Variants in PKNOX2 observed in about 807,000 individuals in gnomAD.
The protein encoded by PKNOX2 is PBX/knotted 1 homeobox 2, also known as homeobox protein PKNOX2.
A neutral mutation model predicts 53.1 loss-of-function variants in PKNOX2; 14 were observed. The observed-to-expected ratio is 0.26, with a 90% CI of 0.17 to 0.41. The LOEUF is 0.41. Among genes scored for constraint, PKNOX2 ranks in the 10% least tolerant of loss-of-function variants. The pLI, the probability that PKNOX2 is intolerant of heterozygous loss-of-function variation, is 1.00. For missense variants in PKNOX2, 496 were observed against 602.8 expected, an observed-to-expected ratio of 0.82 and a Z score of 1.85; for synonymous variants, 257 against 242.8, an observed-to-expected ratio of 1.06 and a Z score of -0.54.
intron 1 of PKNOX2, among the ~76,000 whole-genome samples, chr11:125,177,287 G>A (rs1955776491): frequency 6.6e-6 from 1 of 150,582 alleles, no homozygotes; most frequent in Non-Finnish European, 1.5e-5. Flanking sequence ...TTTGGAGGGG[G>A]GCAGCGAGGA....
At chr11:125,242,789 C>T (rs1943261017) in intron 2 of PKNOX2, among the ~76,000 whole-genome samples, 1 of 152,020 alleles carries the variant, frequency 6.6e-6, no homozygotes, top group South Asian at 2.1e-4. Context: ...GCACGTCTGT[C>T]CATGGCCTAT....
intron 2 of PKNOX2, among the ~76,000 whole-genome samples, chr11:125,262,110 G>C (rs1259733082): frequency 6.6e-6 from 1 of 152,194 alleles, no homozygotes; most frequent in Admixed American, 6.5e-5. Context: ...GGCACTGGAG[G>C]GGAGAAGTGG....
chr11:125,219,815 C>T (rs1940939476), intron 1 of PKNOX2, among the ~76,000 whole-genome samples: 2 of 152,286 alleles, frequency 1.3e-5, no homozygotes, highest in African/African-American at 4.8e-5. Context: ...TGTAAATCTG[C>T]ACAACCCCTT....
At chr11:125,304,187 C>T (rs1427796782) in intron 2 of PKNOX2, among the ~76,000 whole-genome samples, 1 of 152,180 alleles carries the variant, frequency 6.6e-6, no homozygotes, top group African/African-American at 2.4e-5. Flanking sequence ...CTTGGGTAGA[C>T]ACCTAGAAGA....
chr11:125,351,486 C>G (rs569208645), intron 4 of PKNOX2, 94 bp downstream of exon 4: 3 of 803,052 alleles, frequency 3.7e-6, no homozygotes, highest in East Asian at 5.3e-5. Flanking sequence ...CAGGGGCCGA[C>G]GGGCAGAGCC....
chr11:125,302,685 A>G (rs1182909493), intron 2 of PKNOX2, among the ~76,000 whole-genome samples: 1 of 152,184 alleles, frequency 6.6e-6, no homozygotes, highest in Non-Finnish European at 1.5e-5. Context: ...CGTGCATCCC[A>G]TACCTAACGG....
intron 7 of PKNOX2, 117 bp from the exon 8 acceptor site, chr11:125,410,079 G>A (rs1466121993): frequency 2.2e-6 from 3 of 1,394,256 alleles, no homozygotes; most frequent in Non-Finnish European, 2.9e-6. Flanking sequence ...GTCTGGGGAG[G>A]AGCTAGAAGG....
intron 1 of PKNOX2, among the ~76,000 whole-genome samples, chr11:125,233,012 T>C (rs1414026162): frequency 2.6e-5 from 4 of 152,186 alleles, no homozygotes; most frequent in South Asian, 2.1e-4. Flanking sequence ...ATATACTAAT[T>C]TGATGGTTTA....
intron 2 of PKNOX2, among the ~76,000 whole-genome samples, chr11:125,296,407 C>A (rs991964499): frequency 3.3e-5 from 5 of 152,152 alleles, no homozygotes; most frequent in Non-Finnish European, 5.9e-5. Context: ...GCTGTGCACT[C>A]AACACATGAT....
At chr11:125,251,013 G>A (rs1482745040) in intron 2 of PKNOX2, among the ~76,000 whole-genome samples, 4 of 152,228 alleles carry the variant, frequency 2.6e-5, no homozygotes, top group African/African-American at 9.6e-5. Context: ...ACAGCATAAC[G>A]CTGATTGCCC....
intron 5 of PKNOX2, among the ~76,000 whole-genome samples, chr11:125,371,816 G>A (rs1387422706): frequency 1.3e-5 from 2 of 152,204 alleles, no homozygotes; most frequent in African/African-American, 2.4e-5. Flanking sequence ...AGAAGACAGT[G>A]AGGGCAGTGG....
At chr11:125,235,495 G>A (rs946699475) in intron 2 of PKNOX2, among the ~76,000 whole-genome samples, 1 of 152,192 alleles carries the variant, frequency 6.6e-6, no homozygotes, top group Non-Finnish European at 1.5e-5. Context: ...CCTCAAACTC[G>A]GCCAAGTTTA....
chr11:125,322,809 C>T (rs955621106), intron 2 of PKNOX2, among the ~76,000 whole-genome samples: 3 of 152,094 alleles, frequency 2.0e-5, no homozygotes, highest in Non-Finnish European at 4.4e-5. Context: ...TGACCTTAGC[C>T]GAGACAGTTA....
intron 1 of PKNOX2, among the ~76,000 whole-genome samples, chr11:125,216,329 C>G (rs1240413553): frequency 6.6e-6 from 1 of 152,138 alleles, no homozygotes; most frequent in Non-Finnish European, 1.5e-5. Context: ...ACCCTGGGCC[C>G]CTCTCTGGGC....
chr11:125,296,808 G>A (rs1427943670), intron 2 of PKNOX2, among the ~76,000 whole-genome samples: 1 of 152,112 alleles, frequency 6.6e-6, no homozygotes, highest in Non-Finnish European at 1.5e-5. Context: ...GATAATTTTT[G>A]TATTTTTAGT....
chr11:125,407,981 A>G (rs1348462225), intron 7 of PKNOX2, among the ~76,000 whole-genome samples: 1 of 152,184 alleles, frequency 6.6e-6, no homozygotes, highest in African/African-American at 2.4e-5. Context: ...CCTTTCCTCC[A>G]GTGCCCACGC....
chr11:125,228,862 A>T (rs1427347383), intron 1 of PKNOX2, among the ~76,000 whole-genome samples: 2 of 152,156 alleles, frequency 1.3e-5, no homozygotes, highest in African/African-American at 4.8e-5. Context: ...ACAATTAACA[A>T]AATATGTGCT....
chr11:125,272,820 A>G lies in PKNOX2; in HGVS notation c.-130+37705A>G, dbSNP rs528968500. Among the ~76,000 whole-genome samples the G allele has an allele frequency of 5.3e-5, 8 of 152,174 alleles. No homozygotes were observed. The South Asian group carries it at 1.7e-3, about 32-fold the overall frequency. ...CAGCAATGAATCAGTGCTTTTTTGA[A>G]GCTGTTTTCCAGAAGCGAGAGAATT... On this transcript the variant is annotated intron_variant, in intron 2 of 12. Transcript: ENST00000298282.
At chr11:125,326,218 G>A (rs556730820) in intron 2 of PKNOX2, among the ~76,000 whole-genome samples, 1 of 152,364 alleles carries the variant, frequency 6.6e-6, no homozygotes, top group Admixed American at 6.5e-5. Flanking sequence ...TCAAGGGTCA[G>A]TAATAGGGTG....
Sources: gnomAD v4.1 joint callset for allele counts (sites outside exome capture counted in the v4.1 genomes callset) on GRCh38, gnomAD v4.1.1 for gene constraint, MANE v1.5 for transcripts, NCBI Gene and HGNC (gene_info 2026-07-23, HGNC 2026-07-21) for gene names.